Variants in ZNF558 observed in about 807,000 individuals in gnomAD.
The protein encoded by ZNF558 is zinc finger protein 558.
A neutral mutation model predicts 37.6 loss-of-function variants in ZNF558; 23 were observed. The ratio of observed to expected loss-of-function variants is 0.61; its 90% CI spans 0.44 to 0.87. ZNF558 has a LOEUF of 0.87. Among genes scored for constraint, ZNF558 ranks in the 40% least tolerant of loss-of-function variants. The pLI is 0.00. For synonymous variants in ZNF558, 189 were observed against 174.4 expected, an observed-to-expected ratio of 1.08 and a Z score of -0.66; for missense variants, 429 against 483.7, an observed-to-expected ratio of 0.89 and a Z score of 1.06.
chr19:8,815,371 T>A (rs978955971), intron 7 of ZNF558, among the ~76,000 whole-genome samples: 1 of 151,710 alleles, frequency 6.6e-6, no homozygotes, highest in Non-Finnish European at 1.5e-5. Context: ...AATAAAAAAA[T>A]TTGAGTTGAA....
intron 7 of ZNF558, among the ~76,000 whole-genome samples, chr19:8,815,421 A>G (rs1177385437): frequency 6.6e-6 from 1 of 152,192 alleles, no homozygotes; most frequent in Non-Finnish European, 1.5e-5. Flanking sequence ...AACATATCTG[A>G]GCAGGCAGAA....
intron 6 of ZNF558, 69 bp downstream of exon 6, chr19:8,821,934 C>G: frequency 6.3e-7 from 1 of 1,595,820 alleles, no homozygotes; most frequent in South Asian, 1.1e-5. Flanking sequence ...CTCCAGGCTG[C>G]TGGAAGGTAT....
chr19:8,822,696 A>C lies in ZNF558; in HGVS notation c.-37T>G. 6.2e-7 allele frequency: 1 copy of C among 1,614,030 alleles called. No individual in the cohort carries two copies. Among genetic ancestry groups the C allele is most frequent in the Non-Finnish European group, 8.5e-7 (1 of 1,179,994 alleles). ...GACAGCAACAGGGCAGCCGGGAAGC[A>C]GGACGCTCCTCCTTTATCCCGCAGC... On this transcript the variant is annotated 5_prime_UTR_variant, in exon 5 of 10. Coordinates refer to ENST00000601372, the MANE Select transcript of ZNF558 (RefSeq NM_144693.3). This position sits in a 1 kb window ranked among gnomAD's most constrained non-coding sequence, Gnocchi z 4.4.
At chr19:8,812,864 A>G (rs909921828) in intron 8 of ZNF558, among the ~76,000 whole-genome samples, 3 of 152,210 alleles carry the variant, frequency 2.0e-5, no homozygotes, top group Non-Finnish European at 4.4e-5. Flanking sequence ...GCAAAGTGGA[A>G]AGGAACTTGA....
Position 8,813,242 on chromosome 19 carries a change from A to C in ZNF558, c.248-20T>G. On this transcript the variant is annotated intron_variant, in intron 7 of 9. Transcript: ENST00000601372. ...GACACCCTATTTATGGAAACAATAC[A>C]CATGATATAGGTAACAGTGCTGGGG... 3.9e-6 allele frequency: 6 copies of C among 1,556,714 alleles called. No individual in the cohort carries two copies. The highest frequency in any genetic ancestry group is 5.2e-6 in the Non-Finnish European group (6 of 1,144,234).
At chr19:8,818,260 C>A (rs2967762) in intron 7 of ZNF558, among the ~76,000 whole-genome samples, 124,422 of 152,010 alleles carry the variant, frequency 0.82, 51,403 homozygotes, top group South Asian at 0.91. Flanking sequence ...GAGACCATCC[C>A]GGCCAACATG....
chr19:8,813,450 C>T (rs1489699510), intron 7 of ZNF558, among the ~76,000 whole-genome samples: 1 of 152,126 alleles, frequency 6.6e-6, no homozygotes, highest in Non-Finnish European at 1.5e-5. Flanking sequence ...CCTCTGCCTT[C>T]CAGGTTCAAG....
chr19:8,821,465 C>A, intron 6 of ZNF558, 159 bp from the exon 7 acceptor site: 1 of 1,497,770 alleles, frequency 6.7e-7, no homozygotes, highest in Non-Finnish European at 8.9e-7. Flanking sequence ...GAGCTCCTCT[C>A]CCAGGGTTCT....
rs1035556700 is a variant in ZNF558, at chr19:8,822,787, G to C, written c.-65-63C>G. 9 of 1,450,790 alleles carry C rather than the reference G, an allele frequency of 6.2e-6. No homozygotes were observed. In the African/African-American group the frequency reaches 8.3e-5, roughly 13 times the overall value. The allele number at this position is 1,450,790 out of a possible 1,614,324, so 89.9% of individuals were successfully genotyped here. ...CCTCCCTCTCGGGCTGCTGGGGATGGGCCCTCCTCAACCCATCCTTCCCAT... is the reference window on the plus strand; with the variant it reads ...CCTCCCTCTCGGGCTGCTGGGGATGCGCCCTCCTCAACCCATCCTTCCCAT... On this transcript the variant is annotated intron_variant, in intron 4 of 9. Transcript: ENST00000601372. The surrounding 1 kb of genome is among the most constrained non-coding windows in gnomAD (Gnocchi z 4.4).
rs115581759 is a variant in ZNF558 at position 8,824,136 on chromosome 19, A to G, written c.-120T>C. 0.011 allele frequency: 1,680 copies of G among 152,410 alleles called. 25 individuals carry two copies. The highest frequency in any genetic ancestry group is 0.036 in the African/African-American group (1,504 of 41,522). The allele number at this position is 152,410 out of a possible 1,614,324, so 9.4% of individuals were successfully genotyped here. ...GACAGCGGGGGTGGGTGCAGGGGTG[A>G]CTTTCAGGACCAGGTCTTGGAAGGC... On this transcript the variant is annotated 5_prime_UTR_variant, in exon 4 of 10. Transcript: ENST00000601372.
At chr19:8,829,910 C>T (rs1454849822) in intron 2 of ZNF558, among the ~76,000 whole-genome samples, 6 of 152,154 alleles carry the variant, frequency 3.9e-5, no homozygotes, top group African/African-American at 1.4e-4. Flanking sequence ...CAATATGAAT[C>T]ACCATACTGT....
chr19:8,827,571 CTTTTTTT>C (rs386388513), intron 2 of ZNF558, among the ~76,000 whole-genome samples: 18 of 94,106 alleles, frequency 1.9e-4, no homozygotes, highest in South Asian at 1.3e-3. Context: ...TTTCCCTATT[CTTTTTTT>C]TTTTTTTTTT....
upstream of ZNF558, among the ~76,000 whole-genome samples, chr19:8,835,995 G>A (rs764569974): frequency 9.9e-5 from 15 of 152,280 alleles, no homozygotes; most frequent in Middle Eastern, 0.014. Flanking sequence ...AGTGGCAAAT[G>A]TTGGGGAAAA....
rs2043841575 is a variant in ZNF558 at position 8,813,223 on chromosome 19, C to A, written c.248-1G>T. The A allele has an allele frequency of 6.3e-7, 1 of 1,582,800 alleles. No homozygotes were observed. Among genetic ancestry groups the A allele is most frequent in the Non-Finnish European group, 8.6e-7 (1 of 1,162,608 alleles). The stretch of plus-strand genomic sequence containing the variant: ...AGACTGGGTTTATTAACACGACACC[C>A]TATTTATGGAAACAATACACATGAT... On this transcript the variant is annotated splice_acceptor_variant, in intron 7 of 9. Transcript: ENST00000601372. LOFTEE classifies it high-confidence loss of function.
intron 4 of ZNF558, among the ~76,000 whole-genome samples, chr19:8,823,149 C>T (rs1442991843): frequency 6.6e-6 from 1 of 152,042 alleles, no homozygotes; most frequent in Non-Finnish European, 1.5e-5. Context: ...CCCTTTGTTC[C>T]TTCTCTCATC....
upstream of ZNF558, among the ~76,000 whole-genome samples, chr19:8,835,042 C>A (rs1384058044): frequency 6.6e-6 from 1 of 151,150 alleles, no homozygotes; most frequent in East Asian, 1.9e-4. Context: ...TAAAAGTGAA[C>A]AAAGAGTTTT....
chr19:8,821,359 C>T, intron 6 of ZNF558, 53 bp from the exon 7 acceptor site: 4 of 1,614,068 alleles, frequency 2.5e-6, no homozygotes, highest in Middle Eastern at 1.6e-4. Flanking sequence ...CACCAACGTG[C>T]ACAGGAAGAG....
upstream of ZNF558, chr19:8,832,488 A>C (rs1028420651): frequency 6.6e-6 from 1 of 152,604 alleles, no homozygotes; most frequent in African/African-American, 2.4e-5. Context: ...CTTAGTGGGC[A>C]CAAAGTTGGG....
intron 9 of ZNF558, 67 bp downstream of exon 9, chr19:8,812,494 G>T: frequency 9.3e-7 from 1 of 1,069,868 alleles, no homozygotes; most frequent in East Asian, 2.6e-5. Context: ...TGGTTATTTT[G>T]TGCCCTTTCT....
Sources: gnomAD v4.1 joint callset for allele counts (sites outside exome capture counted in the v4.1 genomes callset) on GRCh38, gnomAD v4.1.1 for gene constraint, Gnocchi (gnomAD v3.1) non-coding constraint, MANE v1.5 for transcripts, NCBI Gene and HGNC (gene_info 2026-07-23, HGNC 2026-07-21) for gene names.